Variants in KCNMA1 observed in about 807,000 individuals in gnomAD.
KCNMA1 encodes the protein potassium calcium-activated channel subfamily M alpha 1.
In KCNMA1, 29 loss-of-function variants were observed where a neutral mutation model predicts 140.0. The ratio of observed to expected loss-of-function variants is 0.21; its 90% CI spans 0.15 to 0.28. The LOEUF (loss-of-function observed/expected upper bound fraction) is 0.28. Among genes scored for constraint, KCNMA1 ranks in the 10% least tolerant of loss-of-function variants. The pLI, the probability that KCNMA1 is intolerant of heterozygous loss-of-function variation, is 1.00. For missense variants in KCNMA1, 880 were observed against 1,602.2 expected, an observed-to-expected ratio of 0.55 and a Z score of 7.70; for synonymous variants, 612 against 611.9, an observed-to-expected ratio of 1.00 and a Z score of 0.00.
chr10:77,635,130 C>T (rs755010311), intron 1 of KCNMA1: 4 of 152,164 alleles, frequency 2.6e-5, no homozygotes, highest in African/African-American at 4.8e-5. Context: ...CAAATATTTA[C>T]GAATTGTTTT....
chr10:77,506,588 A>T lies in KCNMA1; in HGVS notation c.379-102565T>A, dbSNP rs61367658. Among the ~76,000 whole-genome samples the T allele has an allele frequency of 2.7e-3, 259 of 95,556 alleles. 6 individuals carry two copies. The highest frequency in any genetic ancestry group is 5.1e-3 in the African/African-American group (86 of 16,890). The allele number at this position is 95,556 out of a possible 152,430, so 62.7% of individuals were successfully genotyped here. A position where few individuals can be genotyped will look rare whatever the true frequency, so the allele number is the denominator to read the frequency against. ...GATGTTCCTAGAGAGAGAGAGAGAG[A>T]GAGAGAGAGTGTGTGTGTGTGTGTG... On this transcript the variant is annotated intron_variant, in intron 1 of 27. Coordinates refer to ENST00000286628, the MANE Select transcript of KCNMA1 (RefSeq NM_001161352.2).
chr10:77,493,035 A>G (rs2040510045), intron 1 of KCNMA1, among the ~76,000 whole-genome samples: 2 of 152,236 alleles, frequency 1.3e-5, no homozygotes, highest in African/African-American at 2.4e-5. Flanking sequence ...GTCTAAGTTT[A>G]TTAACCTGAA....
chr10:77,218,442 G>A (rs757587802), intron 3 of KCNMA1, among the ~76,000 whole-genome samples: 6 of 152,172 alleles, frequency 3.9e-5, no homozygotes, highest in Non-Finnish European at 8.8e-5. Flanking sequence ...ACTCACTGGA[G>A]CTGGGTAGAT....
chr10:77,367,744 G>C (rs1268758220), intron 2 of KCNMA1, among the ~76,000 whole-genome samples: 1 of 152,064 alleles, frequency 6.6e-6, no homozygotes, highest in East Asian at 1.9e-4. Context: ...CCACTAATCT[G>C]TCCTCTGTCA....
At chr10:76,958,941 C>G (rs557034712) in intron 20 of KCNMA1, among the ~76,000 whole-genome samples, 23 of 152,234 alleles carry the variant, frequency 1.5e-4, no homozygotes, top group African/African-American at 5.1e-4. Flanking sequence ...TGAAGGCCCC[C>G]GGCTGCCCTT....
At chr10:76,897,425 G>A (rs1457661758) in intron 25 of KCNMA1, among the ~76,000 whole-genome samples, 1 of 151,930 alleles carries the variant, frequency 6.6e-6, no homozygotes, top group Non-Finnish European at 1.5e-5. Flanking sequence ...ATAAGGCTAG[G>A]CTGAAGCTTC....
intron 2 of KCNMA1, among the ~76,000 whole-genome samples, chr10:77,346,715 C>A (rs573191219): frequency 6.6e-6 from 1 of 152,298 alleles, no homozygotes; most frequent in East Asian, 1.9e-4. Context: ...CAGACTCTCA[C>A]CCCAGCCAAG....
chr10:77,288,621 G>C (rs778877500), intron 2 of KCNMA1, among the ~76,000 whole-genome samples: 4 of 152,116 alleles, frequency 2.6e-5, no homozygotes, highest in Admixed American at 6.5e-5. Flanking sequence ...AACATGCAAG[G>C]GTCACCCAGC....
chr10:76,950,510 G>C (rs2065845934), intron 21 of KCNMA1, among the ~76,000 whole-genome samples: 1 of 152,196 alleles, frequency 6.6e-6, no homozygotes, highest in Non-Finnish European at 1.5e-5. Flanking sequence ...GAAGCCAGGA[G>C]GCCAGCCGTG....
intron 1 of KCNMA1, among the ~76,000 whole-genome samples, chr10:77,566,565 C>T (rs925130622): frequency 6.6e-5 from 10 of 152,138 alleles, no homozygotes; most frequent in Non-Finnish European, 1.5e-4. Flanking sequence ...GAGGAACCTG[C>T]CATTTCCCCC....
intron 23 of KCNMA1, among the ~76,000 whole-genome samples, chr10:76,919,956 G>A (rs12250818): frequency 0.013 from 1,842 of 140,946 alleles, 37 homozygotes; most frequent in African/African-American, 0.042. Flanking sequence ...GAAAATCCTA[G>A]AATACTAATG....
chr10:77,135,019 A>AAAAAAAAAAC (rs2097968294), intron 5 of KCNMA1, among the ~76,000 whole-genome samples: 1 of 144,426 alleles, frequency 6.9e-6, no homozygotes, highest in Non-Finnish European at 1.5e-5. Context: ...AAAAAAAAAA[A>AAAAAAAAAAC]AAAAAAAAAG....
chr10:77,055,841 G>C (rs965871291), intron 14 of KCNMA1, among the ~76,000 whole-genome samples: 1 of 152,178 alleles, frequency 6.6e-6, no homozygotes, highest in Non-Finnish European at 1.5e-5. Context: ...AGATCACATA[G>C]AAAGAGGACA....
At chr10:77,636,221 T>TA (rs2093707725) in intron 1 of KCNMA1, 1 of 1,429,532 alleles carries the variant, frequency 7.0e-7, no homozygotes, top group Non-Finnish European at 9.1e-7. Context: ...CTTTCTTTTT[T>TA]ATTCTGCAGT....
At chr10:77,462,067 C>G (rs942717692) in intron 1 of KCNMA1, among the ~76,000 whole-genome samples, 1 of 151,620 alleles carries the variant, frequency 6.6e-6, no homozygotes, top group Non-Finnish European at 1.5e-5. Context: ...ACAACACAGA[C>G]ACACATACAC....
intron 3 of KCNMA1, among the ~76,000 whole-genome samples, chr10:77,235,278 A>G (rs2055023146): frequency 1.3e-5 from 2 of 152,214 alleles, no homozygotes; most frequent in Non-Finnish European, 2.9e-5. Context: ...GCAAGGGGGC[A>G]GCATGGCTGG....
At chr10:77,389,675 A>C (rs574624338) in intron 2 of KCNMA1, among the ~76,000 whole-genome samples, 13 of 152,304 alleles carry the variant, frequency 8.5e-5, no homozygotes, top group Non-Finnish European at 1.8e-4. Flanking sequence ...ATTCAAAAGA[A>C]GCCAACTCCT....
At chr10:77,589,818 C>T (rs1366453646) in intron 1 of KCNMA1, among the ~76,000 whole-genome samples, 1 of 152,036 alleles carries the variant, frequency 6.6e-6, no homozygotes, top group African/African-American at 2.4e-5. Context: ...CAGGATTTAT[C>T]GCAAAGAGGG....
intron 29 of KCNMA1, among the ~76,000 whole-genome samples, chr10:76,879,677 G>C (rs2033792023): frequency 6.6e-6 from 1 of 151,770 alleles, no homozygotes; most frequent in Admixed American, 6.6e-5. Flanking sequence ...CTGATGGGCT[G>C]GTTAAAAAAG....
Sources: gnomAD v4.1 joint callset for allele counts (sites outside exome capture counted in the v4.1 genomes callset) on GRCh38, gnomAD v4.1.1 for gene constraint, MANE v1.5 for transcripts, NCBI Gene and HGNC (gene_info 2026-07-23, HGNC 2026-07-21) for gene names.